CPNE5: variants seen among roughly 807,000 people sequenced by gnomAD.
CPNE5 encodes copine-5.
CPNE5 carries 42 observed loss-of-function variants against 81.1 expected under a neutral mutation model. The ratio of observed to expected loss-of-function variants is 0.52; its 90% CI spans 0.40 to 0.67. The LOEUF (loss-of-function observed/expected upper bound fraction) is 0.67. Among genes scored for constraint, CPNE5 ranks in the 30% least tolerant of loss-of-function variants. The pLI is 0.00. For missense variants in CPNE5, 612 were observed against 815.5 expected (o/e 0.75, Z 3.04); for synonymous variants, 313 against 321.5 (o/e 0.97, Z 0.28).
intron 3 of CPNE5, among the ~76,000 whole-genome samples, chr6:36,804,319 T>C (rs1770392823): frequency 6.6e-6 from 1 of 152,206 alleles, no homozygotes; most frequent in African/African-American, 2.4e-5. Context: ...TCAGATTGAA[T>C]AAGACTGGGT....
At chr6:36,770,254 G>A (rs1185697829) in intron 10 of CPNE5, among the ~76,000 whole-genome samples, 4 of 152,188 alleles carry the variant, frequency 2.6e-5, no homozygotes, top group Admixed American at 2.6e-4. Context: ...CCAGGCCAGA[G>A]GCAATTTCAA....
At chr6:36,773,191 C>T (rs868578014) in intron 10 of CPNE5, among the ~76,000 whole-genome samples, 16 of 152,202 alleles carry the variant, frequency 1.1e-4, no homozygotes, top group Middle Eastern at 3.4e-3. Context: ...GTGTCTGTTT[C>T]GACACCCCAG....
intron 1 of CPNE5, among the ~76,000 whole-genome samples, chr6:36,826,097 G>A (rs1772478681): frequency 6.6e-6 from 1 of 152,128 alleles, no homozygotes; most frequent in African/African-American, 2.4e-5. Context: ...TCCAGGCTAG[G>A]GAGAAAGAGA....
At chr6:36,806,784 A>G (rs920703649) in intron 3 of CPNE5, among the ~76,000 whole-genome samples, 3 of 152,226 alleles carry the variant, frequency 2.0e-5, no homozygotes, top group African/African-American at 7.2e-5. Flanking sequence ...CATGTCACCA[A>G]GAAAGTGCAT....
At chr6:36,799,407 T>C (rs894434270) in intron 4 of CPNE5, among the ~76,000 whole-genome samples, 1 of 151,916 alleles carries the variant, frequency 6.6e-6, no homozygotes, top group African/African-American at 2.4e-5. Context: ...TTTCAAACCA[T>C]CCCATACCCC....
intron 12 of CPNE5, among the ~76,000 whole-genome samples, chr6:36,761,547 G>A (rs1410920524): frequency 2.6e-5 from 4 of 152,222 alleles, no homozygotes; most frequent in African/African-American, 9.6e-5. Context: ...CTCAAGGCCA[G>A]CTCTTCAACT....
At chr6:36,833,515 A>T (rs1773147059) in intron 1 of CPNE5, among the ~76,000 whole-genome samples, 1 of 152,252 alleles carries the variant, frequency 6.6e-6, no homozygotes. Context: ...ACTCTGTCAT[A>T]GCAGATTAGG....
intron 3 of CPNE5, among the ~76,000 whole-genome samples, chr6:36,812,644 C>T (rs1420099289): frequency 6.6e-6 from 1 of 152,248 alleles, no homozygotes; most frequent in Non-Finnish European, 1.5e-5. Context: ...GACCCTAAGA[C>T]TGTGAGTAGG....
chr6:36,746,506 T>TCAGCGC lies in CPNE5; in HGVS notation c.1084_1089dup (p.Ala362_Leu363dup). The TCAGCGC allele has an allele frequency of 6.2e-7, 1 of 1,613,802 alleles. No individual in the cohort carries two copies. Among genetic ancestry groups the TCAGCGC allele is most frequent in the Non-Finnish European group, 8.5e-7 (1 of 1,179,788 alleles). ...TGCTGGATGATCTCTCCGACGGCAG[T>TCAGCGC]CAGCGCCAGCGCGTAGGCGTTCAGC... On this transcript the variant is annotated inframe_insertion, in exon 16 of 21. Transcript: ENST00000244751. This position sits in a 1 kb window ranked among gnomAD's most constrained non-coding sequence, Gnocchi z 4.5.
At chr6:36,786,298 G>A (rs950598437) in intron 8 of CPNE5, among the ~76,000 whole-genome samples, 10 of 152,146 alleles carry the variant, frequency 6.6e-5, no homozygotes, top group African/African-American at 1.9e-4. Context: ...GGGCGTCAGC[G>A]AACACCCCAC....
chr6:36,781,406 T>C (rs1768026943), intron 8 of CPNE5, among the ~76,000 whole-genome samples: 1 of 152,162 alleles, frequency 6.6e-6, no homozygotes, highest in African/African-American at 2.4e-5. Context: ...ATAACTCTTG[T>C]TTCCCTATTT....
At chr6:36,831,601 T>C (rs1425657003) in intron 1 of CPNE5, among the ~76,000 whole-genome samples, 1 of 126,622 alleles carries the variant, frequency 7.9e-6, no homozygotes, top group Admixed American at 1.0e-4. Flanking sequence ...ATCACGCCAC[T>C]GCACTCCAGG....
intron 1 of CPNE5, among the ~76,000 whole-genome samples, chr6:36,835,976 A>G (rs1416768644): frequency 6.6e-6 from 1 of 152,208 alleles, no homozygotes; most frequent in Non-Finnish European, 1.5e-5. Context: ...AAGGATCATT[A>G]TGCTTTCTTT....
rs193218534 is a variant in CPNE5, at chr6:36,831,777, T to C, written c.95+7506A>G. ...CTGATTTAGCACATTACAGTTTATA[T>C]AGAATGTCACAGACTTAATCTCTTT... is the stretch of plus-strand genomic sequence containing the variant. On this transcript the variant is annotated intron_variant, in intron 1 of 20. Transcript: ENST00000244751. 1.9e-3 allele frequency among the ~76,000 whole-genome samples: 284 copies of C among 152,272 alleles called. 1 individual carries two copies. Among genetic ancestry groups the C allele is most frequent in the Middle Eastern group, 0.017 (5 of 294 alleles).
chr6:36,817,989 C>A (rs541586013), intron 3 of CPNE5, among the ~76,000 whole-genome samples: 1 of 152,152 alleles, frequency 6.6e-6, no homozygotes, highest in Non-Finnish European at 1.5e-5. Context: ...CTCAACAGTG[C>A]AGGATGCTAC....
intron 8 of CPNE5, among the ~76,000 whole-genome samples, chr6:36,781,199 C>G (rs1004670354): frequency 4.6e-5 from 7 of 152,068 alleles, no homozygotes; most frequent in African/African-American, 1.7e-4. Context: ...TTTTATTATG[C>G]CTCTCATCAT....
intron 3 of CPNE5, among the ~76,000 whole-genome samples, chr6:36,820,818 A>G (rs912352999): frequency 2.0e-5 from 3 of 151,992 alleles, no homozygotes; most frequent in Non-Finnish European, 2.9e-5. Flanking sequence ...GCTTGGTGGC[A>G]TGTGCCTGCA....
At chr6:36,818,945 A>G (rs1193680817) in intron 3 of CPNE5, among the ~76,000 whole-genome samples, 1 of 152,232 alleles carries the variant, frequency 6.6e-6, no homozygotes, top group Non-Finnish European at 1.5e-5. Flanking sequence ...TTTATGAAGC[A>G]CAGCCAAAAG....
chr6:36,774,546 G>C (rs1308081949), intron 10 of CPNE5, among the ~76,000 whole-genome samples: 1 of 152,058 alleles, frequency 6.6e-6, no homozygotes, highest in Admixed American at 6.5e-5. Context: ...CTGCTTCCCT[G>C]CTGCCATCTG....
Sources: gnomAD v4.1 joint callset for allele counts (sites outside exome capture counted in the v4.1 genomes callset) on GRCh38, gnomAD v4.1.1 for gene constraint, Gnocchi (gnomAD v3.1) non-coding constraint, MANE v1.5 for transcripts, NCBI Gene and HGNC (gene_info 2026-07-23, HGNC 2026-07-21) for gene names.